Variants in METTL15 observed in about 807,000 individuals in gnomAD.
METTL15 encodes 12S rRNA N(4)-cytidine methyltransferase METTL15.
METTL15 carries 34 observed loss-of-function variants against 38.3 expected under a neutral mutation model. The observed-to-expected ratio is 0.89, with a 90% CI of 0.68 to 1.18. The LOEUF (loss-of-function observed/expected upper bound fraction) is 1.18, where lower values mean the gene tolerates loss of function less well. Among genes scored for constraint, METTL15 ranks in the 50% most tolerant of loss-of-function variants. The pLI is 0.00. For synonymous variants in METTL15, 162 were observed against 170.9 expected (o/e 0.95, Z 0.41); for missense variants, 438 against 498.4 (o/e 0.88, Z 1.15).
At chr11:28,396,131 GC>G (rs1356143729) in intron 5 of METTL15, among the ~76,000 whole-genome samples, 1 of 151,988 alleles carries the variant, frequency 6.6e-6, no homozygotes, top group Non-Finnish European at 1.5e-5. Context: ...CAAACCCACA[GC>G]CAATACACTG....
chr11:28,411,289 T>C (rs1850722182), intron 5 of METTL15, among the ~76,000 whole-genome samples: 3 of 151,726 alleles, frequency 2.0e-5, no homozygotes, highest in African/African-American at 7.2e-5. Context: ...AATAGCCAAA[T>C]AAATACAAAT....
intron 4 of METTL15, chr11:28,261,199 A>G (rs1044198617): frequency 6.6e-6 from 1 of 152,224 alleles, no homozygotes; most frequent in African/African-American, 2.4e-5. Flanking sequence ...CAATTAACCA[A>G]GACCTGTGTT....
intron 4 of METTL15, among the ~76,000 whole-genome samples, chr11:28,222,240 G>A (rs748020282): frequency 6.6e-6 from 1 of 152,176 alleles, no homozygotes; most frequent in Non-Finnish European, 1.5e-5. Context: ...ACCTGCTGAA[G>A]CCTCAGCAAT....
chr11:28,380,867 A>G (rs1850376133), intron 5 of METTL15, among the ~76,000 whole-genome samples: 2 of 152,198 alleles, frequency 1.3e-5, no homozygotes, highest in Admixed American at 1.3e-4. Context: ...AGCACTTTAA[A>G]AATGTCATTC....
chr11:28,224,760 A>T (rs946129529), intron 4 of METTL15, among the ~76,000 whole-genome samples: 5 of 151,852 alleles, frequency 3.3e-5, no homozygotes, highest in African/African-American at 1.2e-4. Context: ...CGAATATCTG[A>T]TGCGTTTTGC....
intron 5 of METTL15, among the ~76,000 whole-genome samples, chr11:28,423,712 A>G: frequency 6.6e-6 from 1 of 152,096 alleles, no homozygotes; most frequent in East Asian, 1.9e-4. Flanking sequence ...TGGGAAGGGT[A>G]GCAGGGGAAT....
intron 6 of METTL15, among the ~76,000 whole-genome samples, chr11:28,322,067 GAAATA>G (rs1308974047): frequency 2.0e-5 from 3 of 151,752 alleles, no homozygotes; most frequent in Admixed American, 2.0e-4. Flanking sequence ...TCAAATATAA[GAAATA>G]AAACCAGAAA....
chr11:28,279,038 G>T (rs1855948508), intron 4 of METTL15, among the ~76,000 whole-genome samples: 1 of 152,120 alleles, frequency 6.6e-6, no homozygotes, highest in African/African-American at 2.4e-5. Flanking sequence ...TGTTGCCCAG[G>T]ATGGTTTCAA....
chr11:28,360,022 T>A (rs1464255277), intron 4 of METTL15, among the ~76,000 whole-genome samples: 1 of 152,128 alleles, frequency 6.6e-6, no homozygotes, highest in Non-Finnish European at 1.5e-5. Context: ...GCCCAACCCC[T>A]CAGGAGAGAG....
At chr11:28,261,723 A>G (rs1465852507) in intron 4 of METTL15, among the ~76,000 whole-genome samples, 1 of 152,158 alleles carries the variant, frequency 6.6e-6, no homozygotes, top group Non-Finnish European at 1.5e-5. Flanking sequence ...TTCTAGAGTC[A>G]GGAGTAAAAA....
chr11:28,237,224 C>G (rs1168152405), intron 4 of METTL15, among the ~76,000 whole-genome samples: 1 of 152,210 alleles, frequency 6.6e-6, no homozygotes, highest in Non-Finnish European at 1.5e-5. Context: ...TTCTCCCCAT[C>G]ACTTTCAGGT....
intron 5 of METTL15, among the ~76,000 whole-genome samples, chr11:28,411,683 A>AT (rs756213186): frequency 1.3e-5 from 2 of 151,964 alleles, no homozygotes; most frequent in African/African-American, 2.4e-5. Context: ...CTTGACAATG[A>AT]TTTTTTCTTT....
At chr11:28,164,053 A>G (rs1850567505) in intron 3 of METTL15, 1 of 152,094 alleles carries the variant, frequency 6.6e-6, no homozygotes, top group Non-Finnish European at 1.5e-5. Context: ...AAACATCAAA[A>G]TATCACATGT....
At chr11:28,463,629 C>T (rs1371262602) in intron 6 of METTL15, among the ~76,000 whole-genome samples, 3 of 152,072 alleles carry the variant, frequency 2.0e-5, no homozygotes, top group African/African-American at 4.8e-5. Context: ...ATGCAGATAA[C>T]GACTCCATGA....
chr11:28,375,762 G>A (rs1425069894), intron 5 of METTL15, among the ~76,000 whole-genome samples: 1 of 151,886 alleles, frequency 6.6e-6, no homozygotes, highest in African/African-American at 2.4e-5. Flanking sequence ...TGATGTTAGG[G>A]TGTCAATTTT....
intron 5 of METTL15, among the ~76,000 whole-genome samples, chr11:28,390,404 T>A (rs1451917524): frequency 1.3e-5 from 2 of 152,066 alleles, no homozygotes; most frequent in Non-Finnish European, 2.9e-5. Flanking sequence ...TTAATTTTTG[T>A]ATAAGGTGTA....
intron 3 of METTL15, among the ~76,000 whole-genome samples, chr11:28,190,218 A>G (rs1028431710): frequency 6.6e-6 from 1 of 151,214 alleles, no homozygotes; most frequent in African/African-American, 2.4e-5. Flanking sequence ...AGAGAGGGGA[A>G]ATGTATGGTG....
chr11:28,395,846 A>C (rs1850562461), intron 5 of METTL15, among the ~76,000 whole-genome samples: 1 of 152,190 alleles, frequency 6.6e-6, no homozygotes, highest in African/African-American at 2.4e-5. Context: ...AAAAATCCTC[A>C]ATAACATACT....
intron 3 of METTL15, among the ~76,000 whole-genome samples, chr11:28,122,698 A>G (rs1218162274): frequency 6.6e-6 from 1 of 151,698 alleles, no homozygotes; most frequent in East Asian, 1.9e-4. Flanking sequence ...ATTCATGAAA[A>G]TATGCTTGTT....
Sources: allele counts gnomAD v4.1 joint callset (sites outside exome capture counted in the v4.1 genomes callset), GRCh38; gene constraint gnomAD v4.1.1; transcripts MANE v1.5; gene names NCBI Gene and HGNC (gene_info 2026-07-23, HGNC 2026-07-21).